SV2C: variants seen among roughly 807,000 people sequenced by gnomAD.
SV2C encodes the protein solute carrier family 22 member B3.
A neutral mutation model predicts 79.7 loss-of-function variants in SV2C; 49 were observed. The ratio of observed to expected loss-of-function variants is 0.61; its 90% confidence interval spans 0.49 to 0.78. The LOEUF is 0.78. Among genes scored for constraint, SV2C ranks in the 30% least tolerant of loss-of-function variants. The probability of loss-of-function intolerance (pLI) is 0.00; values close to 1 mark genes in which losing one functional copy is unlikely to be tolerated. For missense variants in SV2C, 833 were observed against 912.9 expected, an observed-to-expected ratio of 0.91 and a Z score of 1.13; for synonymous variants, 334 against 333.2, an observed-to-expected ratio of 1.00 and a Z score of -0.03.
chr5:76,226,021 C>T (rs1421572988), intron 4 of SV2C, among the ~76,000 whole-genome samples: 1 of 152,184 alleles, frequency 6.6e-6, no homozygotes, highest in Non-Finnish European at 1.5e-5. Flanking sequence ...CCTTGCTTCT[C>T]ATCTTGCCTG....
At chr5:76,161,194 A>G (rs2112249081) in intron 2 of SV2C, among the ~76,000 whole-genome samples, 1 of 152,356 alleles carries the variant, frequency 6.6e-6, no homozygotes, top group African/African-American at 2.4e-5. Flanking sequence ...ATAAAAAGGA[A>G]TGAAGTACAG....
the SV2C span, among the ~76,000 whole-genome samples, chr5:75,891,727 T>A: frequency 1.3e-5 from 2 of 152,260 alleles, no homozygotes; most frequent in Admixed American, 1.3e-4. Context: ...TTTTGAGATA[T>A]CAGCCTTGCA....
chr5:76,076,643 A>G, the SV2C span, among the ~76,000 whole-genome samples: 1 of 152,208 alleles, frequency 6.6e-6, no homozygotes, highest in Non-Finnish European at 1.5e-5. Context: ...TACCAACCCA[A>G]TATTAAACTG....
the SV2C span, among the ~76,000 whole-genome samples, chr5:76,059,498 T>G: frequency 1.3e-5 from 2 of 151,864 alleles, no homozygotes; most frequent in Non-Finnish European, 2.9e-5. Context: ...TTTTTTTTTT[T>G]CTTTTGCTCA....
the SV2C span, among the ~76,000 whole-genome samples, chr5:76,031,078 A>G: frequency 2.0e-5 from 3 of 152,228 alleles, no homozygotes; most frequent in Non-Finnish European, 4.4e-5. Context: ...TGAATTTTAA[A>G]TATTGCAGGT....
chr5:76,298,376 T>C (rs1747847330), intron 9 of SV2C, among the ~76,000 whole-genome samples: 1 of 152,124 alleles, frequency 6.6e-6, no homozygotes, highest in Non-Finnish European at 1.5e-5. Context: ...AAAGATCGGG[T>C]AGGAGGACAT....
chr5:76,230,084 T>C (rs1377684368), intron 4 of SV2C, among the ~76,000 whole-genome samples: 1 of 152,192 alleles, frequency 6.6e-6, no homozygotes, highest in Non-Finnish European at 1.5e-5. Context: ...AGGGCAGTAC[T>C]TTGCATCAAT....
intron 4 of SV2C, chr5:76,242,396 A>T: frequency 1.4e-6 from 1 of 723,646 alleles, no homozygotes; most frequent in South Asian, 1.4e-5. Flanking sequence ...TCTTCTTCAC[A>T]CTGCTCCGGT....
chr5:76,042,533 G>C, the SV2C span, among the ~76,000 whole-genome samples: 1 of 152,154 alleles, frequency 6.6e-6, no homozygotes, highest in Admixed American at 6.5e-5. Context: ...TCTAAGTCTA[G>C]GTCTTCAGTT....
intron 4 of SV2C, among the ~76,000 whole-genome samples, chr5:76,223,491 A>ATG (rs1233003409): frequency 6.1e-4 from 23 of 37,470 alleles, no homozygotes; most frequent in South Asian, 3.7e-3. Flanking sequence ...ATATATATAT[A>ATG]TATATGTATA....
At chr5:76,224,643 T>C (rs1745186931) in intron 4 of SV2C, among the ~76,000 whole-genome samples, 1 of 152,180 alleles carries the variant, frequency 6.6e-6, no homozygotes, top group Non-Finnish European at 1.5e-5. Flanking sequence ...TACAATTTTG[T>C]GGAAAGGGAG....
the SV2C span, among the ~76,000 whole-genome samples, chr5:75,949,089 C>A: frequency 0.4 from 60,200 of 151,386 alleles, 12,015 homozygotes; most frequent in Middle Eastern, 0.42. Context: ...GATCCTGTAG[C>A]GTGTGTGGCA....
the SV2C span, among the ~76,000 whole-genome samples, chr5:76,032,418 T>C: frequency 6.6e-6 from 1 of 152,072 alleles, no homozygotes; most frequent in East Asian, 1.9e-4. Context: ...CCACAACAGT[T>C]CCCAGAGTGT....
In SV2C at chr5:76,301,350, G is replaced by A. The variant is rs771145121; in HGVS notation, c.1841-36G>A. 7.0e-5 allele frequency: 113 copies of A among 1,610,496 alleles called. No homozygotes were observed. In the Admixed American group the frequency reaches 1.9e-3, roughly 27 times the overall value. On this transcript the variant is annotated intron_variant, in intron 11 of 12. Coordinates refer to ENST00000502798, the MANE Select transcript of SV2C (RefSeq NM_014979.4). ...GGGTTCTTGCTTTACTAAGATGACA[G>A]GAAACATTCCAGCCTTTTGTCTGCA... is the stretch of plus-strand genomic sequence containing the variant.
At chr5:76,026,328 C>G in the SV2C span, among the ~76,000 whole-genome samples, 3 of 151,810 alleles carry the variant, frequency 2.0e-5, no homozygotes, top group Admixed American at 2.0e-4. Flanking sequence ...TTTCTATGTA[C>G]TTTTATTCAA....
chr5:76,075,880 T>C, the SV2C span: 5,382 of 222,714 alleles, frequency 0.024, 85 homozygotes, highest in Non-Finnish European at 0.036. Context: ...CAATTACTCC[T>C]CCAAACCAGG....
At chr5:75,908,064 T>C in the SV2C span, among the ~76,000 whole-genome samples, 5 of 152,214 alleles carry the variant, frequency 3.3e-5, no homozygotes, top group Admixed American at 6.5e-5. Context: ...AAAAAAAAAT[T>C]GCAAGTTTCC....
intron 12 of SV2C, among the ~76,000 whole-genome samples, chr5:76,339,351 C>A (rs753049841): frequency 2.6e-5 from 4 of 152,118 alleles, no homozygotes; most frequent in Non-Finnish European, 5.9e-5. Flanking sequence ...TTTGTGATAT[C>A]ATTGCCTATA....
intron 3 of SV2C, among the ~76,000 whole-genome samples, chr5:76,208,425 A>G (rs985952955): frequency 2.6e-5 from 4 of 152,162 alleles, no homozygotes; most frequent in Non-Finnish European, 4.4e-5. Context: ...ATGCGTAACT[A>G]TGGCATCACT....
Sources: allele counts gnomAD v4.1 joint callset (sites outside exome capture counted in the v4.1 genomes callset), GRCh38; gene constraint gnomAD v4.1.1; transcripts MANE v1.5; gene names NCBI Gene and HGNC (gene_info 2026-07-23, HGNC 2026-07-21).